TULP4: variants seen among roughly 807,000 people sequenced by gnomAD.
TULP4 encodes TUB like protein 4, also known as tubby-related protein 4.
Under a neutral mutation model 129.0 loss-of-function variants are expected in TULP4, and 16 were observed. That is an observed-to-expected ratio of 0.12 (90% CI 0.08 to 0.19). The LOEUF (loss-of-function observed/expected upper bound fraction) is 0.19, where lower values mean the gene tolerates loss of function less well. TULP4 is among the 10% of genes least tolerant of loss of function. The pLI is 1.00. For synonymous variants in TULP4, 998 were observed against 854.0 expected (o/e 1.17, Z -2.94); for missense variants, 1,842 against 2,059.1 (o/e 0.89, Z 2.04).
At chr6:158,297,014 G>C (rs1779047657) in intron 1 of TULP4, among the ~76,000 whole-genome samples, 1 of 152,154 alleles carries the variant, frequency 6.6e-6, no homozygotes, top group African/African-American at 2.4e-5. Flanking sequence ...AGTCTGACCT[G>C]AAATTTACCA....
At chr6:158,422,435 C>A (rs1778366302) in intron 2 of TULP4, among the ~76,000 whole-genome samples, 1 of 152,316 alleles carries the variant, frequency 6.6e-6, no homozygotes, top group African/African-American at 2.4e-5. Flanking sequence ...ATTCTTACCT[C>A]ACACCGTGCA....
intron 2 of TULP4, among the ~76,000 whole-genome samples, chr6:158,427,470 CCTTTTT>C (rs1778523298): frequency 9.9e-6 from 1 of 100,678 alleles, no homozygotes; most frequent in Non-Finnish European, 1.9e-5. Context: ...AATTATCAGA[CCTTTTT>C]TTTTTTTTTT....
At chr6:158,450,413 T>C (rs1029586254) in intron 4 of TULP4, among the ~76,000 whole-genome samples, 1 of 152,236 alleles carries the variant, frequency 6.6e-6, no homozygotes, top group Admixed American at 6.5e-5. Context: ...CAGTGTGTTA[T>C]GCTTCCCAGC....
intron 2 of TULP4, 57 bp from the exon 3 acceptor site, chr6:158,429,679 A>AT: frequency 1.9e-6 from 3 of 1,567,350 alleles, no homozygotes; most frequent in Non-Finnish European, 2.6e-6. Flanking sequence ...CTAGACTTTG[A>AT]TAAAATGTTT....
chr6:158,307,020 CAAAA>C (rs996358519), intron 1 of TULP4, among the ~76,000 whole-genome samples: 2 of 151,310 alleles, frequency 1.3e-5, no homozygotes, highest in African/African-American at 4.9e-5. Flanking sequence ...GGCTGTGTCT[CAAAA>C]AAATAAAATA....
intron 6 of TULP4, 74 bp downstream of exon 6, chr6:158,461,803 C>A: frequency 2.0e-6 from 3 of 1,485,750 alleles, no homozygotes; most frequent in South Asian, 1.4e-5. Flanking sequence ...TTATTGTTGA[C>A]AAATTTTATT....
chr6:158,454,610 T>C (rs528712899), intron 5 of TULP4, among the ~76,000 whole-genome samples: 373 of 148,068 alleles, frequency 2.5e-3, no homozygotes, highest in African/African-American at 8.8e-3. Context: ...AGTTCTCTCT[T>C]TTTTTTTTTT....
At chr6:158,237,861 A>G (rs1330674789) in intron 1 of TULP4, 2 of 749,556 alleles carry the variant, frequency 2.7e-6, no homozygotes, top group Non-Finnish European at 5.0e-6. Flanking sequence ...CTGGATCTGC[A>G]AGTGAGTAAG....
At chr6:158,482,931 T>C (rs1779980603) in intron 8 of TULP4, among the ~76,000 whole-genome samples, 1 of 152,212 alleles carries the variant, frequency 6.6e-6, no homozygotes. Context: ...TTCATGTTTA[T>C]CAGCTCGTAT....
At chr6:158,399,303 C>T (rs1777792349) in intron 1 of TULP4, among the ~76,000 whole-genome samples, 1 of 152,202 alleles carries the variant, frequency 6.6e-6, no homozygotes, top group Non-Finnish European at 1.5e-5. Context: ...GAAGGAAGCA[C>T]TTGCCATTCA....
chr6:158,241,232 G>A (rs1398233117), intron 1 of TULP4, among the ~76,000 whole-genome samples: 8 of 121,454 alleles, frequency 6.6e-5, no homozygotes, highest in Admixed American at 1.8e-4. Flanking sequence ...ATGGGATGGC[G>A]GCCGGGCGGA....
At chr6:158,422,550 CAT>C (rs1285262661) in intron 2 of TULP4, among the ~76,000 whole-genome samples, 5 of 152,234 alleles carry the variant, frequency 3.3e-5, no homozygotes, top group Admixed American at 2.0e-4. Flanking sequence ...AACACGGACA[CAT>C]GTGGAGCGGT....
intron 1 of TULP4, among the ~76,000 whole-genome samples, chr6:158,240,390 A>G (rs1583666133): frequency 3.8e-5 from 2 of 52,266 alleles, no homozygotes; most frequent in African/African-American, 6.7e-5. Context: ...GGCCGGGCAG[A>G]GGGGCTCCTC....
At chr6:158,467,277 C>CTT (rs59276592) in intron 6 of TULP4, among the ~76,000 whole-genome samples, 31 of 140,924 alleles carry the variant, frequency 2.2e-4, no homozygotes, top group East Asian at 8.3e-4. Flanking sequence ...CTTTCCCTTT[C>CTT]TTTTTTTTTT....
At chr6:158,335,851 C>G (rs1024893110) in intron 1 of TULP4, among the ~76,000 whole-genome samples, 2 of 152,194 alleles carry the variant, frequency 1.3e-5, no homozygotes, top group African/African-American at 2.4e-5. Context: ...CAACAACTCT[C>G]CAAGTTTGAA....
At chr6:158,372,755 A>G (rs528106763) in intron 1 of TULP4, among the ~76,000 whole-genome samples, 1 of 152,306 alleles carries the variant, frequency 6.6e-6, no homozygotes, top group East Asian at 1.9e-4. Context: ...CTTTCATATG[A>G]TGATCTCATC....
chr6:158,255,971 C>T (rs9356549), intron 1 of TULP4, among the ~76,000 whole-genome samples: 49,993 of 152,024 alleles, frequency 0.33, 9,212 homozygotes, highest in Admixed American at 0.45. Flanking sequence ...GCCTCGTGTG[C>T]CACATTTAAG....
intron 1 of TULP4, chr6:158,242,327 T>C (rs1777938207): frequency 1.3e-6 from 2 of 1,545,632 alleles, no homozygotes; most frequent in Non-Finnish European, 1.8e-6. Context: ...CCAGGCTCTC[T>C]GGAGCCACTT....
At chr6:158,357,878 T>A (rs1433309468) in intron 1 of TULP4, among the ~76,000 whole-genome samples, 2 of 152,180 alleles carry the variant, frequency 1.3e-5, no homozygotes, top group Admixed American at 6.5e-5. Flanking sequence ...AAAGCATAGA[T>A]GACTGAAGAT....
Sources: gnomAD v4.1 joint callset for allele counts (sites outside exome capture counted in the v4.1 genomes callset) on GRCh38, gnomAD v4.1.1 for gene constraint, MANE v1.5 for transcripts, NCBI Gene and HGNC (gene_info 2026-07-23, HGNC 2026-07-21) for gene names.